MTR: variants seen among roughly 807,000 people sequenced by gnomAD.
MTR encodes methionine synthase.
Under a neutral mutation model 154.8 loss-of-function variants are expected in MTR, and 84 were observed. That is an observed-to-expected ratio of 0.54 (90% CI 0.45 to 0.65). The LOEUF is 0.65. Among genes scored for constraint, MTR ranks in the 30% least tolerant of loss-of-function variants. The probability of loss-of-function intolerance (pLI) is 0.00; values close to 1 mark genes in which losing one functional copy is unlikely to be tolerated. For synonymous variants in MTR, 554 were observed against 553.9 expected (o/e 1.00, Z 0.00); for missense variants, 1,275 against 1,570.2 (o/e 0.81, Z 3.18).
In MTR at chr1:236,835,067, T is replaced by G. The variant is rs151022762; in HGVS notation, c.1189-480T>G. 2.5e-4 allele frequency among the ~76,000 whole-genome samples: 38 copies of G among 152,224 alleles called. 1 individual carries two copies. In the East Asian group the frequency reaches 7.4e-3, roughly 29 times the overall value. ...GCAAATACTGAAGAGTTATATCATT[T>G]TGGATGGTTTCTCTAAGGACTTTTT... On this transcript the variant is annotated intron_variant, in intron 13 of 32. Transcript: ENST00000366577.
At chr1:236,884,843 C>T (rs977876229) in intron 25 of MTR, among the ~76,000 whole-genome samples, 10 of 152,170 alleles carry the variant, frequency 6.6e-5, no homozygotes, top group Non-Finnish European at 1.5e-4. Flanking sequence ...GCCAGGTATA[C>T]AGTGACTCTC....
chr1:236,856,496 C>G (rs1037435598), intron 18 of MTR, among the ~76,000 whole-genome samples: 3 of 150,676 alleles, frequency 2.0e-5, no homozygotes, highest in Admixed American at 1.3e-4. Flanking sequence ...TTTCTTCTTT[C>G]TTCTTGTTCT....
At chr1:236,812,713 G>A in intron 5 of MTR, 25 bp from the exon 6 acceptor site, 1 of 1,591,332 alleles carries the variant, frequency 6.3e-7, no homozygotes, top group Non-Finnish European at 8.6e-7. Flanking sequence ...TGACTGATGT[G>A]CTGGGTGTGA....
At chr1:236,820,987 A>G (rs1661905391) in intron 8 of MTR, among the ~76,000 whole-genome samples, 1 of 152,204 alleles carries the variant, frequency 6.6e-6, no homozygotes, top group South Asian at 2.1e-4. Flanking sequence ...ACAGTTTTTA[A>G]AATTGCGTTT....
At chr1:236,848,493 C>T (rs1663716316) in intron 15 of MTR, among the ~76,000 whole-genome samples, 1 of 152,134 alleles carries the variant, frequency 6.6e-6, no homozygotes, top group African/African-American at 2.4e-5. Context: ...TTTAAAAGTT[C>T]AAGCCTAAAG....
At chr1:236,804,007 A>G (rs1025090487) in intron 2 of MTR, among the ~76,000 whole-genome samples, 5 of 152,002 alleles carry the variant, frequency 3.3e-5, no homozygotes, top group African/African-American at 1.2e-4. Context: ...TGGCTGCTGT[A>G]TTACCTGTTA....
In MTR at chr1:236,800,680, A is replaced by G. The variant is rs746949590; in HGVS notation, c.35-2748A>G. 1.2e-4 allele frequency among the ~76,000 whole-genome samples: 19 copies of G among 152,240 alleles called. 1 individual carries two copies. The highest frequency in any genetic ancestry group is 2.9e-5 in the Non-Finnish European group (2 of 68,040). On this transcript the variant is annotated intron_variant, in intron 1 of 32. Coordinates refer to ENST00000366577, the MANE Select transcript of MTR (RefSeq NM_000254.3). ...CACAGCCCACTGAGCTTTGTAATATATAGAACACAATCTTTAGAGCTTCAG... is the reference window on the plus strand; with the variant it reads ...CACAGCCCACTGAGCTTTGTAATATGTAGAACACAATCTTTAGAGCTTCAG...
At chr1:236,888,677 C>T (rs1666152650) in intron 27 of MTR, among the ~76,000 whole-genome samples, 1 of 152,136 alleles carries the variant, frequency 6.6e-6, no homozygotes, top group Non-Finnish European at 1.5e-5. Flanking sequence ...CACATGTGTC[C>T]CTTCCTCCCC....
At position 236,820,218 on chromosome 1, in the gene MTR, G is replaced by A; in HGVS notation, c.764+3675G>A. The A allele has an allele frequency of 1.6e-5, 12 of 757,604 alleles. No individual in the cohort carries two copies. The South Asian group carries it at 1.6e-4, about 10-fold the overall frequency. The allele number at this position is 757,604 out of a possible 1,614,324, so 46.9% of individuals were successfully genotyped here. ...GCACCATTTCCTGTGAACACTTGCG[G>A]GAGGTCATGCCTGATCTCTGCTTGT... On this transcript the variant is annotated intron_variant, in intron 8 of 32. Coordinates refer to ENST00000366577, the MANE Select transcript of MTR (RefSeq NM_000254.3).
At chr1:236,885,801 T>C (rs1025443126) in intron 26 of MTR, among the ~76,000 whole-genome samples, 3 of 151,914 alleles carry the variant, frequency 2.0e-5, no homozygotes, top group African/African-American at 7.3e-5. Context: ...ATTTTGGGAG[T>C]TGCTAGGCAA....
intron 15 of MTR, among the ~76,000 whole-genome samples, chr1:236,842,680 A>G (rs1401723116): frequency 2.0e-5 from 3 of 151,762 alleles, no homozygotes; most frequent in African/African-American, 7.3e-5. Flanking sequence ...CCCTATCCCT[A>G]TTCTAATCTC....
Position 236,808,758 on chromosome 1 carries a change from G to A in MTR, c.394G>A (p.Val132Ile), listed in dbSNP as rs969895798. The change falls in exon 4 of 33, where the codon GTA becomes ATA. Residue 132 changes from valine to isoleucine, a missense_variant. Transcript: ENST00000366577. ...AGVARKAAEE[V>I]TLQTGIKRFV... ...AGTGGCCAGAAAAGCTGCCGAGGAG[G>A]TAACTCTCCAGACAGGTAGGGAATG... is the stretch of plus-strand genomic sequence containing the variant. 3.7e-6 allele frequency: 6 copies of A among 1,614,044 alleles called. No individual in the cohort carries two copies. Among genetic ancestry groups the A allele is most frequent in the South Asian group, 1.1e-5 (1 of 91,094 alleles).
chr1:236,891,210 C>T lies in MTR; in HGVS notation c.3085C>T (p.Arg1029Trp), dbSNP rs139771804. Residue 1029 changes from arginine (R) to tryptophan (W), a missense_variant, in exon 29 of 33, where the codon CGG becomes TGG. Transcript: ENST00000366577. ...GATTAGTCAAAAGAAACTCCGGGCC[C>T]GGGGTGTGGTTGGGTTCTGGCCAGC... Reference protein sequence around the residue: ...TLISQKKLRARGVVGFWPAQS... With the variant: ...TLISQKKLRAWGVVGFWPAQS... The T allele has an allele frequency of 6.8e-5, 110 of 1,613,970 alleles. No homozygotes were observed. Among genetic ancestry groups the T allele is most frequent in the Non-Finnish European group, 8.6e-5 (101 of 1,180,028 alleles).
chr1:236,873,212 C>T (rs1033177584), intron 22 of MTR, among the ~76,000 whole-genome samples: 4 of 151,928 alleles, frequency 2.6e-5, no homozygotes, highest in Admixed American at 6.6e-5. Context: ...TCTACTTATG[C>T]GAAATATCTA....
chr1:236,806,628 C>T (rs939968835), intron 3 of MTR, among the ~76,000 whole-genome samples: 10 of 152,142 alleles, frequency 6.6e-5, no homozygotes, highest in Non-Finnish European at 1.5e-4. Context: ...TAAGTGTACA[C>T]TTGAGTGGCA....
chr1:236,855,553 G>A (rs569761066), intron 18 of MTR, among the ~76,000 whole-genome samples: 133 of 152,172 alleles, frequency 8.7e-4, no homozygotes, highest in Non-Finnish European at 1.7e-3. Flanking sequence ...TTCTGGGAAA[G>A]TTTTCTGTTC....
At position 236,795,517 on chromosome 1, in the gene MTR, C is replaced by G; in HGVS notation, c.-187C>G. ...GCCGCGCCCAGCCCCGAGAGAGGCC[C>G]TAGGGCGCTGCGGGCTTTCGGGGTC... On this transcript the variant is annotated 5_prime_UTR_variant, in exon 1 of 33. Coordinates refer to ENST00000366577, the MANE Select transcript of MTR (RefSeq NM_000254.3). The G allele has an allele frequency of 1.3e-6, 2 of 1,526,430 alleles. No homozygotes were observed. Among genetic ancestry groups the G allele is most frequent in the Non-Finnish European group, 1.8e-6 (2 of 1,140,498 alleles). 94.6% of individuals were successfully genotyped at this position (1,526,430 alleles called of 1,614,324 possible).
intron 8 of MTR, 53 bp from the exon 9 acceptor site, chr1:236,824,066 C>T: frequency 7.2e-7 from 1 of 1,394,372 alleles, no homozygotes; most frequent in Non-Finnish European, 1.0e-6. Context: ...AACTTATATG[C>T]ATAAATATGA....
chr1:236,821,739 A>G (rs922738820), intron 8 of MTR, among the ~76,000 whole-genome samples: 17 of 152,212 alleles, frequency 1.1e-4, no homozygotes, highest in African/African-American at 4.1e-4. Flanking sequence ...AGTTTTTGTG[A>G]AAGATGTAAT....
Sources: gnomAD v4.1 joint callset for allele counts (sites outside exome capture counted in the v4.1 genomes callset) on GRCh38, gnomAD v4.1.1 for gene constraint, MANE v1.5 for transcripts, NCBI Gene and HGNC (gene_info 2026-07-23, HGNC 2026-07-21) for gene names.